The following KRT23 variants were observed in gnomAD, a reference collection of about 807,000 sequenced individuals.
The protein encoded by KRT23 is keratin 23.
KRT23 carries 38 observed loss-of-function variants against 47.6 expected under a neutral mutation model. The ratio of observed to expected loss-of-function variants is 0.80; its 90% CI spans 0.62 to 1.05. The LOEUF is 1.05. Ranked by LOEUF, KRT23 falls within the 50% of genes least tolerant of loss-of-function variation. The pLI, the probability that KRT23 is intolerant of heterozygous loss-of-function variation, is 0.00. For synonymous variants in KRT23, 191 were observed against 199.0 expected, an observed-to-expected ratio of 0.96 and a Z score of 0.34; for missense variants, 503 against 529.5, an observed-to-expected ratio of 0.95 and a Z score of 0.49.
chr17:40,931,435 G>C lies in KRT23; in HGVS notation c.417C>G (p.Thr139=). The change falls in exon 3 of 9, where the codon ACC becomes ACG. Residue 139 remains threonine, a synonymous_variant. Transcript: ENST00000209718. ...LQEQIVDGKM[T]NAQIILLIDN... ...CAATGAGAAGAATAATCTGAGCATT[G>C]GTCATCTTACCATCCACTATCTGTA... 3 of 1,613,584 alleles carry C rather than the reference G, an allele frequency of 1.9e-6. No homozygotes were observed. The highest frequency in any genetic ancestry group is 1.3e-5 in the African/African-American group (1 of 75,022).
rs752235604 is a variant in KRT23 at position 40,931,408 on chromosome 17, G to T, written c.444C>A (p.Asp148Glu). ...MTNAQIILLI[D>E]NARMAVDDFN... ...AGTCATCCACTGCCATCCTGGCATTGTCAATGAGAAGAATAATCTGAGCAT... is the reference window on the plus strand; with the variant it reads ...AGTCATCCACTGCCATCCTGGCATTTTCAATGAGAAGAATAATCTGAGCAT... Residue 148 changes from aspartate (D) to glutamate (E), a missense_variant, in exon 3 of 9, where the codon GAC (aspartate) becomes GAA (glutamate). Transcript: ENST00000209718. 5.6e-6 allele frequency: 9 copies of T among 1,613,524 alleles called. No homozygotes were observed. The highest frequency in any genetic ancestry group is 2.7e-5 in the African/African-American group (2 of 74,908).
intron 2 of KRT23, among the ~76,000 whole-genome samples, chr17:40,935,611 T>G (rs1032257162): frequency 1.3e-5 from 2 of 152,206 alleles, no homozygotes; most frequent in Non-Finnish European, 2.9e-5. Flanking sequence ...GTGAGCAACT[T>G]TACTGCAAGC....
At chr17:40,923,668 C>A (rs1168683060) in intron 8 of KRT23, among the ~76,000 whole-genome samples, 1 of 152,248 alleles carries the variant, frequency 6.6e-6, no homozygotes, top group Admixed American at 6.5e-5. Context: ...ACCATCCCAT[C>A]AAGTATGGGT....
chr17:40,936,152 AGGGTCCCCT>A lies in KRT23; in HGVS notation c.396+47_396+55del, dbSNP rs1414774882. ...TCTTCTGGACTCATTTTTCCTCCCG[AGGGTCCCCT>A]GGCAAAGCAGCCCCATCTGGATCTC... On this transcript the variant is annotated intron_variant, in intron 2 of 8. Coordinates refer to ENST00000209718, the MANE Select transcript of KRT23 (RefSeq NM_015515.5). The A allele has an allele frequency of 2.5e-6, 4 of 1,598,248 alleles. No homozygotes were observed. In the Admixed American group the frequency reaches 6.8e-5, roughly 27 times the overall value.
At chr17:40,928,196 G>T (rs765585867) in intron 6 of KRT23, 42 bp downstream of exon 6, 9 of 1,612,362 alleles carry the variant, frequency 5.6e-6, no homozygotes, top group Non-Finnish European at 5.9e-6. Context: ...GCTTCGTGAA[G>T]GAGGTGGTGT....
chr17:40,930,816 C>A (rs184008999), intron 3 of KRT23, among the ~76,000 whole-genome samples: 62 of 151,716 alleles, frequency 4.1e-4, no homozygotes, highest in South Asian at 2.7e-3. Context: ...AAACATAACA[C>A]TACACCTAAA....
Position 40,936,885 on chromosome 17 carries a change from A to G in KRT23, c.-282T>C, listed in dbSNP as rs989463706. On this transcript the variant is annotated 5_prime_UTR_variant, in exon 2 of 9. Transcript: ENST00000209718. ...TGGTAACCCGGAGGTGTGGCCCACG[A>G]CATCAGGCGGGTATTGGGCTCAGGT... The G allele has an allele frequency of 3.7e-5, 14 of 376,096 alleles. No individual in the cohort carries two copies. The highest frequency in any genetic ancestry group is 2.3e-4 in the African/African-American group (11 of 48,138). 23.3% of individuals were successfully genotyped at this position (376,096 alleles called of 1,614,324 possible).
intron 3 of KRT23, among the ~76,000 whole-genome samples, chr17:40,931,046 CTG>C (rs1909633928): frequency 7.9e-6 from 1 of 126,656 alleles, no homozygotes; most frequent in Non-Finnish European, 1.6e-5. Context: ...GAGTCTCACT[CTG>C]TTGCCAGGCT....
chr17:40,923,118 G>A, intron 8 of KRT23, 35 bp from the exon 9 acceptor site: 1 of 1,461,334 alleles, frequency 6.8e-7, no homozygotes, highest in Non-Finnish European at 9.6e-7. Context: ...TCACTGCCAT[G>A]CTTCTTCCAC....
intron 2 of KRT23, among the ~76,000 whole-genome samples, chr17:40,934,010 G>GGTGT (rs1909876440): frequency 6.6e-6 from 1 of 152,160 alleles, no homozygotes; most frequent in Non-Finnish European, 1.5e-5. Flanking sequence ...AATCATTCAA[G>GGTGT]GTGTTTTATT....
At chr17:40,928,942 G>A (rs747996206) in intron 4 of KRT23, among the ~76,000 whole-genome samples, 76 of 144,622 alleles carry the variant, frequency 5.3e-4, no homozygotes, top group South Asian at 1.3e-3. Context: ...CAGGAGAATC[G>A]CTTGAACCTG....
chr17:40,926,911 T>G (rs1909257933), intron 6 of KRT23, among the ~76,000 whole-genome samples: 1 of 151,500 alleles, frequency 6.6e-6, no homozygotes, highest in South Asian at 2.1e-4. Flanking sequence ...TCCTCTTCTC[T>G]CCTTTCTTCT....
At chr17:40,936,093 A>G in intron 2 of KRT23, 115 bp downstream of exon 2, 1 of 1,096,662 alleles carries the variant, frequency 9.1e-7, no homozygotes, top group Non-Finnish European at 1.3e-6. Flanking sequence ...GTGCACAATT[A>G]CTTCAAGCGC....
At position 40,925,432 on chromosome 17, in the gene KRT23, T is replaced by C. The variant is rs1188316782; in HGVS notation, c.1064A>G (p.Gln355Arg). 1 of 1,614,102 alleles carries C rather than the reference T, an allele frequency of 6.2e-7. No individual in the cohort carries two copies. Among genetic ancestry groups the C allele is most frequent in the Non-Finnish European group, 8.5e-7 (1 of 1,180,018 alleles). Residue 355 changes from glutamine to arginine, a missense_variant, in exon 7 of 9, where the codon CAA becomes CGA. Gln to Arg is a conservative substitution (Grantham distance 43). Transcript: ENST00000209718. ...HELERQNNEY[Q>R]VLLGIKTHLE... is the part of the protein sequence containing the mutation. ...GTGGGTTTTGATGCCCAGCAGCACTTGGTATTCATTGTTCTGCCGCTCCAG... is the reference window on the plus strand; with the variant it reads ...GTGGGTTTTGATGCCCAGCAGCACTCGGTATTCATTGTTCTGCCGCTCCAG...
At position 40,926,017 on chromosome 17, in the gene KRT23, CA is replaced by C. The variant is rs144356105; in HGVS notation, c.922-444del. Reference sequence around the variant, plus strand: ...TTGCTCCAGTATTGCATGGGACATGCAAAAAAAATTGCTTTTTATTTGAAAT... The same window carrying C: ...TTGCTCCAGTATTGCATGGGACATGCAAAAAAATTGCTTTTTATTTGAAAT... On this transcript the variant is annotated intron_variant, in intron 6 of 8. Transcript: ENST00000209718. Among the ~76,000 whole-genome samples, 792 of 150,858 alleles carry C rather than the reference CA, an allele frequency of 5.2e-3. 2 individuals are homozygous for C. The highest frequency in any genetic ancestry group is 0.018 in the African/African-American group (750 of 41,124).
chr17:40,924,794 C>A (rs1909125315), intron 7 of KRT23, among the ~76,000 whole-genome samples: 1 of 152,148 alleles, frequency 6.6e-6, no homozygotes, highest in Non-Finnish European at 1.5e-5. Context: ...GGGTCTGGGT[C>A]TCAAGCCTGA....
chr17:40,928,155 G>A (rs1205187850), intron 6 of KRT23, 83 bp downstream of exon 6: 3 of 1,552,800 alleles, frequency 1.9e-6, no homozygotes, highest in African/African-American at 2.7e-5. Flanking sequence ...AGGGAGTTGA[G>A]GGTCAGGGCC....
chr17:40,926,346 G>C (rs958670046), intron 6 of KRT23, among the ~76,000 whole-genome samples: 4 of 152,172 alleles, frequency 2.6e-5, no homozygotes, highest in African/African-American at 9.7e-5. Context: ...CGTTCATGCT[G>C]CCTGGCGGTT....
intron 6 of KRT23, among the ~76,000 whole-genome samples, chr17:40,927,109 CTTGT>C (rs1409480458): frequency 6.6e-6 from 1 of 152,170 alleles, no homozygotes; most frequent in Non-Finnish European, 1.5e-5. Context: ...TCCTGACCAC[CTTGT>C]TTAAGATAGC....
Sources: gnomAD v4.1 joint callset for allele counts (sites outside exome capture counted in the v4.1 genomes callset) on GRCh38, gnomAD v4.1.1 for gene constraint, MANE v1.5 for transcripts, NCBI Gene and HGNC (gene_info 2026-07-23, HGNC 2026-07-21) for gene names.